DPP4: variants seen among roughly 807,000 people sequenced by gnomAD.
DPP4 encodes the protein ADCP-2.
DPP4 carries 93 observed loss-of-function variants against 122.4 expected under a neutral mutation model. That is an observed-to-expected ratio of 0.76 (90% CI 0.64 to 0.90). The LOEUF (loss-of-function observed/expected upper bound fraction) is 0.90, where lower values mean the gene tolerates loss of function less well. Ranked by LOEUF, DPP4 falls within the 40% of genes least tolerant of loss-of-function variation. The pLI, the probability that DPP4 is intolerant of heterozygous loss-of-function variation, is 0.00. For synonymous variants in DPP4, 321 were observed against 302.9 expected, an observed-to-expected ratio of 1.06 and a Z score of -0.62; for missense variants, 914 against 907.3, an observed-to-expected ratio of 1.01 and a Z score of -0.09.
At chr2:162,058,526 T>C (rs1684653827) in intron 2 of DPP4, among the ~76,000 whole-genome samples, 1 of 152,328 alleles carries the variant, frequency 6.6e-6, no homozygotes, top group South Asian at 2.1e-4. Context: ...TTCCAAGAGG[T>C]CATCCTCAAG....
In DPP4 at chr2:161,993,252, TAAG is replaced by T. The variant is rs1700907829; in HGVS notation, c.*28_*30del. 6.5e-7 allele frequency: 1 copy of T among 1,538,124 alleles called. No homozygotes were observed. Among genetic ancestry groups the T allele is most frequent in the African/African-American group, 1.4e-5 (1 of 73,168 alleles). ...TAATGAAAACAAAAATGAGTTTTAA[TAAG>T]CTTTAAATGGCATGGTATTTTGAGG... On this transcript the variant is annotated 3_prime_UTR_variant, in exon 26 of 26. Coordinates refer to ENST00000360534, the MANE Select transcript of DPP4 (RefSeq NM_001935.4).
intron 5 of DPP4, among the ~76,000 whole-genome samples, chr2:162,044,567 C>A (rs538133968): frequency 1.3e-5 from 2 of 152,160 alleles, no homozygotes; most frequent in East Asian, 3.9e-4. Flanking sequence ...GAATCCCCAG[C>A]TTTGTATTTT....
At chr2:162,013,195 A>T (rs1215893587) in intron 19 of DPP4, among the ~76,000 whole-genome samples, 1 of 152,068 alleles carries the variant, frequency 6.6e-6, no homozygotes, top group East Asian at 1.9e-4. Flanking sequence ...CTGAACAGAA[A>T]TATGTATTAA....
chr2:162,047,389 C>CA lies in DPP4; in HGVS notation c.193+13dup. On this transcript the variant is annotated intron_variant, in intron 3 of 25. Transcript: ENST00000360534. Reference sequence around the variant, plus strand: ...TGTAAGCATAAAATCTGCCCTACCCCAAAAAATTCTTACCTGAAATCCATC... The same window carrying CA: ...TGTAAGCATAAAATCTGCCCTACCCCAAAAAAATTCTTACCTGAAATCCATC... The CA allele has an allele frequency of 2.0e-6, 3 of 1,496,680 alleles. No homozygotes were observed. The highest frequency in any genetic ancestry group is 1.8e-6 in the Non-Finnish European group (2 of 1,098,940). The allele number at this position is 1,496,680 out of a possible 1,614,324, so 92.7% of individuals were successfully genotyped here.
intron 2 of DPP4, among the ~76,000 whole-genome samples, chr2:162,055,903 C>T (rs1055732964): frequency 9.9e-5 from 15 of 152,034 alleles, no homozygotes; most frequent in African/African-American, 3.6e-4. Flanking sequence ...TCCTCCTATG[C>T]CTCCTTCTCC....
intron 2 of DPP4, among the ~76,000 whole-genome samples, chr2:162,059,297 C>G (rs1457000633): frequency 1.3e-5 from 2 of 151,626 alleles, no homozygotes; most frequent in African/African-American, 2.4e-5. Context: ...TAAGACTTTT[C>G]TGGGAATAAA....
chr2:162,008,468 G>T, intron 22 of DPP4, 94 bp downstream of exon 22: 1 of 1,071,814 alleles, frequency 9.3e-7, no homozygotes, highest in Non-Finnish European at 1.4e-6. Context: ...ATTATTCGCT[G>T]TAAAAACACT....
intron 23 of DPP4, among the ~76,000 whole-genome samples, chr2:162,001,061 T>A (rs1701134473): frequency 1.3e-5 from 2 of 152,200 alleles, no homozygotes; most frequent in South Asian, 4.1e-4. Context: ...AGCATCATGC[T>A]CGTCCTCCCC....
Position 162,009,264 on chromosome 2 carries a change from T to A in DPP4, c.1864A>T (p.Lys622Ter). The change falls in exon 21 of 26, where the codon AAA becomes TAA. Residue 622 changes from lysine (K) to a stop codon, truncating the protein, a stop_gained. Coordinates refer to ENST00000360534, the MANE Select transcript of DPP4 (RefSeq NM_001935.4). LOFTEE classifies it high-confidence loss of function. ...QFSKMGFVDN[K>*]RIAIWGWSYG... ...ACCCAGCCCCAAATTGCAATTCGTT[T>A]GTTGTCCACAAATCCCATTTTTGAA... 6.2e-7 allele frequency: 1 copy of A among 1,613,830 alleles called. No individual in the cohort carries two copies. Among genetic ancestry groups the A allele is most frequent in the South Asian group, 1.1e-5 (1 of 91,082 alleles).
intron 2 of DPP4, among the ~76,000 whole-genome samples, chr2:162,058,607 G>A (rs1292970819): frequency 1.3e-5 from 2 of 152,260 alleles, no homozygotes; most frequent in Non-Finnish European, 2.9e-5. Flanking sequence ...ACATTATAAC[G>A]AAAGTATTTT....
chr2:162,014,351 T>C (rs1236590556), intron 19 of DPP4, 45 bp downstream of exon 19: 3 of 1,503,718 alleles, frequency 2.0e-6, no homozygotes, highest in South Asian at 1.2e-5. Flanking sequence ...GAAAAATATA[T>C]ATGACTCAAT....
intron 8 of DPP4, 142 bp downstream of exon 8, chr2:162,038,160 G>A: frequency 1.4e-5 from 11 of 766,286 alleles, no homozygotes; most frequent in Non-Finnish European, 4.0e-6. Context: ...CTGGTGCTGT[G>A]AGTTCTAAGA....
intron 12 of DPP4, among the ~76,000 whole-genome samples, chr2:162,022,262 C>T (rs1683159714): frequency 6.6e-6 from 1 of 152,174 alleles, no homozygotes. Context: ...ATCTGGACGC[C>T]TAATAAAGCA....
chr2:162,000,165 C>T (rs1006816689), intron 23 of DPP4, among the ~76,000 whole-genome samples: 3 of 152,092 alleles, frequency 2.0e-5, no homozygotes, highest in East Asian at 3.9e-4. Context: ...CAGTAAGATA[C>T]GACTTTGGGT....
At chr2:162,019,946 T>TTGCTAGTTCGGC (rs1683061848) in intron 14 of DPP4, among the ~76,000 whole-genome samples, 1 of 152,136 alleles carries the variant, frequency 6.6e-6, no homozygotes, top group Admixed American at 6.5e-5. Context: ...ATGCCCCTCA[T>TTGCTAGTTCGGC]TGCTAGTTCG....
intron 2 of DPP4, among the ~76,000 whole-genome samples, chr2:162,071,688 G>A (rs868267020): frequency 6.6e-6 from 1 of 152,120 alleles, no homozygotes. Flanking sequence ...AGTCTCTCAG[G>A]AAGTCCTCCT....
intron 19 of DPP4, among the ~76,000 whole-genome samples, chr2:162,013,588 G>A (rs573014291): frequency 9.6e-4 from 145 of 151,750 alleles, no homozygotes; most frequent in East Asian, 2.3e-3. Context: ...GTCTTTTTCC[G>A]TATAATGGAA....
At chr2:162,004,878 T>A (rs995140152) in intron 23 of DPP4, among the ~76,000 whole-genome samples, 1 of 152,220 alleles carries the variant, frequency 6.6e-6, no homozygotes. Context: ...CACTGTCTTG[T>A]GAAGAATTGT....
At chr2:162,053,604 T>A (rs564443444) in intron 2 of DPP4, among the ~76,000 whole-genome samples, 1 of 152,318 alleles carries the variant, frequency 6.6e-6, no homozygotes, top group East Asian at 1.9e-4. Flanking sequence ...GACCTCATCA[T>A]TGACTCCCCT....
Sources: gnomAD v4.1 joint callset for allele counts (sites outside exome capture counted in the v4.1 genomes callset) on GRCh38, gnomAD v4.1.1 for gene constraint, MANE v1.5 for transcripts, NCBI Gene and HGNC (gene_info 2026-07-23, HGNC 2026-07-21) for gene names.